Variants in MILR1 observed in about 807,000 individuals in gnomAD.
MILR1 encodes the protein allergin-1.
Under a neutral mutation model 18.5 loss-of-function variants are expected in MILR1, and 31 were observed. The ratio of observed to expected loss-of-function variants is 1.68; its 90% CI spans 1.26 to 2.26. The LOEUF (loss-of-function observed/expected upper bound fraction) is 2.26, where lower values mean the gene tolerates loss of function less well. Ranked by LOEUF, MILR1 falls within the 30% of genes most tolerant of loss-of-function variation. The pLI is 0.00. For synonymous variants in MILR1, 85 were observed against 56.2 expected (o/e 1.51, Z -2.30); for missense variants, 257 against 157.4 (o/e 1.63, Z -3.38).
chr17:64,497,235 C>T, the MILR1 span, among the ~76,000 whole-genome samples: 4 of 152,236 alleles, frequency 2.6e-5, no homozygotes, highest in Non-Finnish European at 4.4e-5. Context: ...TTTTTTCTTT[C>T]CTCGTAAGCA....
At chr17:64,473,077 T>C (rs1025474651), downstream of MILR1, among the ~76,000 whole-genome samples, 1 of 151,722 alleles carries the variant, frequency 6.6e-6, no homozygotes, top group Non-Finnish European at 1.5e-5. Context: ...TGGCCGGGCG[T>C]GGTGGCTCAC....
intron 5 of MILR1, among the ~76,000 whole-genome samples, chr17:64,463,971 C>A (rs1350815798): frequency 1.3e-5 from 2 of 151,656 alleles, no homozygotes; most frequent in East Asian, 3.9e-4. Context: ...TTACAGGCGC[C>A]CACCACCACG....
the MILR1 span, among the ~76,000 whole-genome samples, chr17:64,489,446 T>C: frequency 6.6e-6 from 1 of 151,406 alleles, no homozygotes; most frequent in Admixed American, 6.6e-5. Flanking sequence ...CATCAAGGGA[T>C]GCTGCAACCA....
At chr17:64,461,281 C>G (rs1315384913) in intron 5 of MILR1, among the ~76,000 whole-genome samples, 1 of 152,048 alleles carries the variant, frequency 6.6e-6, no homozygotes, top group Non-Finnish European at 1.5e-5. Context: ...GAGTTTTGCT[C>G]TTGTTCCCCA....
chr17:64,457,605 G>A lies in MILR1; in HGVS notation c.573G>A (p.Glu191=), dbSNP rs2144033500. ...TAACCAAGAAGAATCCTGGAGAAGAGGAAGAGTATAGGTGTGAAGCTAAAA... is the reference window on the plus strand; with the variant it reads ...TAACCAAGAAGAATCCTGGAGAAGAAGAAGAGTATAGGTGTGAAGCTAAAA... ...FNLTKKNPGE[E]EEYRCEAKNR... The change falls in exon 4 of 10, where the codon GAG becomes GAA. Residue 191 remains glutamate, a synonymous_variant. Transcript: ENST00000619286. 1 of 475,382 alleles carries A rather than the reference G, an allele frequency of 2.1e-6. No homozygotes were observed. The highest frequency in any genetic ancestry group is 3.1e-5 in the East Asian group (1 of 32,048). 29.4% of individuals were successfully genotyped at this position (475,382 alleles called of 1,614,324 possible).
chr17:64,481,272 C>G, the MILR1 span: 5 of 985,342 alleles, frequency 5.1e-6, no homozygotes, highest in Non-Finnish European at 6.0e-6. Flanking sequence ...GGACATACGC[C>G]ATTATCTTCT....
the MILR1 span, chr17:64,496,714 C>G: frequency 2.5e-6 from 4 of 1,614,114 alleles, no homozygotes; most frequent in Middle Eastern, 1.6e-4. Context: ...CCCGGCTAAG[C>G]TGCTGCTTGC....
the MILR1 span, among the ~76,000 whole-genome samples, chr17:64,489,138 AG>A: frequency 6.6e-6 from 1 of 151,658 alleles, no homozygotes; most frequent in Admixed American, 6.6e-5. Flanking sequence ...ACAAAAGGTA[AG>A]GAAGTGCTCG....
Position 64,460,849 on chromosome 17 carries a change from A to C in MILR1, c.680A>C (p.Lys227Thr). The change falls in exon 5 of 10, where the codon AAG becomes ACG. Residue 227 changes from lysine to threonine, a missense_variant. Coordinates refer to ENST00000619286, the MANE Select transcript of MILR1 (RefSeq NM_001085423.2). Reference sequence around the variant, plus strand: ...GGAGACAGCTGTCCTTTCTGTCTGAAGCTACTACTTCCAGGGTTATTACTG... The same window carrying C: ...GGAGACAGCTGTCCTTTCTGTCTGACGCTACTACTTCCAGGGTTATTACTG... ...TGGDSCPFCL[K>T]LLLPGLLLLL... 1.1e-5 allele frequency: 5 copies of C among 475,220 alleles called. No homozygotes were observed. The East Asian group carries it at 1.2e-4, about 12-fold the overall frequency. The allele number at this position is 475,220 out of a possible 1,614,324, so 29.4% of individuals were successfully genotyped here.
the MILR1 span, among the ~76,000 whole-genome samples, chr17:64,493,288 T>C: frequency 2.0e-5 from 3 of 152,058 alleles, no homozygotes; most frequent in Non-Finnish European, 2.9e-5. Flanking sequence ...CATGGTGGTG[T>C]GTGCCTTGTA....
intron 4 of MILR1, among the ~76,000 whole-genome samples, chr17:64,459,601 G>C (rs1164577613): frequency 2.0e-5 from 3 of 152,138 alleles, no homozygotes; most frequent in Non-Finnish European, 4.4e-5. Flanking sequence ...CTGGAGTCAG[G>C]CACTTGGCTA....
At chr17:64,488,127 G>T in the MILR1 span, among the ~76,000 whole-genome samples, 1 of 152,108 alleles carries the variant, frequency 6.6e-6, no homozygotes, top group Non-Finnish European at 1.5e-5. Flanking sequence ...ACTTTGGGAG[G>T]CTAAGGCAGG....
the MILR1 span, among the ~76,000 whole-genome samples, chr17:64,495,803 G>C: frequency 5.3e-5 from 8 of 151,916 alleles, no homozygotes; most frequent in Non-Finnish European, 1.0e-4. Flanking sequence ...CTGCCTCCTG[G>C]GTTCAAGCGA....
chr17:64,471,799 G>T (rs1056799610), downstream of MILR1, among the ~76,000 whole-genome samples: 1 of 152,176 alleles, frequency 6.6e-6, no homozygotes, highest in African/African-American at 2.4e-5. Context: ...AAACATATTT[G>T]TATGTGATTG....
At chr17:64,449,440 A>G (rs1477193759) in intron 2 of MILR1, 85 bp downstream of exon 2, 1 of 415,992 alleles carries the variant, frequency 2.4e-6, no homozygotes, top group Non-Finnish European at 4.4e-6. Flanking sequence ...CGTCCATTCA[A>G]AAGTGTTTCT....
Position 64,455,620 on chromosome 17 carries a change from A to ATTTT in MILR1, c.368-1770_368-1767dup, listed in dbSNP as rs878942450. Among the ~76,000 whole-genome samples the ATTTT allele has an allele frequency of 2.8e-3, 399 of 143,890 alleles. 2 individuals carry two copies. Among genetic ancestry groups the ATTTT allele is most frequent in the African/African-American group, 9.7e-3 (378 of 38,906 alleles). 94.4% of individuals were successfully genotyped at this position (143,890 alleles called of 152,430 possible). A position where few individuals can be genotyped will look rare whatever the true frequency, so the allele number is the denominator to read the frequency against. Reference sequence around the variant, plus strand: ...AGGCGCCTGCCACCACGCCTGGCTAATTTTTTTTTTTTTGTATTTTTAGTA... The same window carrying ATTTT: ...AGGCGCCTGCCACCACGCCTGGCTAATTTTTTTTTTTTTTTTTGTATTTTTAGTA... On this transcript the variant is annotated intron_variant, in intron 3 of 9. Transcript: ENST00000619286.
chr17:64,463,477 C>T (rs1458250705), intron 5 of MILR1, among the ~76,000 whole-genome samples: 1 of 152,150 alleles, frequency 6.6e-6, no homozygotes, highest in Admixed American at 6.5e-5. Flanking sequence ...GGACAAGCCC[C>T]TCAGGCTGTT....
the MILR1 span, chr17:64,491,655 T>G: frequency 7.2e-7 from 1 of 1,389,340 alleles, no homozygotes; most frequent in Non-Finnish European, 1.0e-6. Flanking sequence ...TTACTACTGG[T>G]ACTACAACAA....
intron 2 of MILR1, among the ~76,000 whole-genome samples, 195 bp from the exon 3 acceptor site, chr17:64,452,402 C>G (rs1401554598): frequency 6.6e-6 from 1 of 151,880 alleles, no homozygotes; most frequent in Non-Finnish European, 1.5e-5. Context: ...TACAGGTGCC[C>G]ACCACCATGC....
Sources: allele counts gnomAD v4.1 joint callset (sites outside exome capture counted in the v4.1 genomes callset), GRCh38; gene constraint gnomAD v4.1.1; transcripts MANE v1.5; gene names NCBI Gene and HGNC (gene_info 2026-07-23, HGNC 2026-07-21).